ETFDH: variants seen among roughly 807,000 people sequenced by gnomAD.
ETFDH encodes the protein electron transfer flavoprotein-ubiquinone oxidoreductase, mitochondrial.
In ETFDH, 61 loss-of-function variants were observed where a neutral mutation model predicts 73.2. That is an observed-to-expected ratio of 0.83 (90% confidence interval 0.68 to 1.03). The LOEUF (loss-of-function observed/expected upper bound fraction) is 1.03, where lower values mean the gene tolerates loss of function less well. ETFDH is among the 50% of genes least tolerant of loss of function. The pLI, the probability that ETFDH is intolerant of heterozygous loss-of-function variation, is 0.00. For synonymous variants in ETFDH, 243 were observed against 253.3 expected (o/e 0.96, Z 0.39); for missense variants, 685 against 745.0 (o/e 0.92, Z 0.94).
chr4:158,691,644 AC>A (rs1363724245), intron 6 of ETFDH, among the ~76,000 whole-genome samples: 1 of 152,150 alleles, frequency 6.6e-6, no homozygotes, highest in African/African-American at 2.4e-5. Context: ...ATTCTTAAGC[AC>A]TTTGACATGA....
intron 6 of ETFDH, among the ~76,000 whole-genome samples, chr4:158,692,890 C>CAT (rs1056213642): frequency 1.1e-3 from 98 of 89,662 alleles, no homozygotes; most frequent in African/African-American, 2.9e-3. Context: ...AAAAAAAAAA[C>CAT]ATATATATAT....
intron 9 of ETFDH, 125 bp downstream of exon 9, chr4:158,699,255 A>AT: frequency 3.5e-6 from 3 of 856,130 alleles, no homozygotes; most frequent in Non-Finnish European, 5.8e-6. Context: ...TAGAGTTTAT[A>AT]AAACTGTGTC....
chr4:158,708,335 CTTCAATATTATTTAT>C lies in ETFDH; in HGVS notation c.1691-26_1691-12del. Reference sequence around the variant, plus strand: ...TTTAAAAATTTTTTAAAGTTAGGCACTTCAATATTATTTATTTTTACTTTTCAGGAGTTTATGAAT... The same window carrying C: ...TTTAAAAATTTTTTAAAGTTAGGCACTTTTACTTTTCAGGAGTTTATGAAT... On this transcript the variant is annotated splice_polypyrimidine_tract_variant and intron_variant, in intron 12 of 12. Coordinates refer to ENST00000511912, the MANE Select transcript of ETFDH (RefSeq NM_004453.4). 13 of 1,573,644 alleles carry C rather than the reference CTTCAATATTATTTAT, an allele frequency of 8.3e-6. No homozygotes were observed. The highest frequency in any genetic ancestry group is 1.1e-5 in the Non-Finnish European group (13 of 1,145,476).
At chr4:158,702,837 A>G (rs916376888) in intron 9 of ETFDH, among the ~76,000 whole-genome samples, 16 of 152,190 alleles carry the variant, frequency 1.1e-4, no homozygotes, top group Non-Finnish European at 1.9e-4. Context: ...TATACCCAAT[A>G]GTGGGATGGC....
intron 5 of ETFDH, 23 bp downstream of exon 5, chr4:158,685,242 T>C: frequency 7.8e-7 from 1 of 1,277,324 alleles, no homozygotes; most frequent in South Asian, 1.2e-5. Flanking sequence ...TTGTTTTGTT[T>C]TAATATTTAT....
At chr4:158,694,133 G>T (rs1299059640) in intron 6 of ETFDH, among the ~76,000 whole-genome samples, 1 of 152,068 alleles carries the variant, frequency 6.6e-6, no homozygotes, top group Non-Finnish European at 1.5e-5. Flanking sequence ...TTTAATGTCT[G>T]TCTGTCTATG....
intron 7 of ETFDH, 113 bp from the exon 8 acceptor site, chr4:158,697,446 C>G: frequency 4.4e-6 from 4 of 899,154 alleles, no homozygotes; most frequent in Non-Finnish European, 7.0e-6. Flanking sequence ...CAGTTTTTCA[C>G]TTGTAATTTT....
At chr4:158,706,605 G>A (rs1266149888) in intron 11 of ETFDH, 24 bp from the exon 12 acceptor site, 1 of 1,571,558 alleles carries the variant, frequency 6.4e-7, no homozygotes. Flanking sequence ...ATTTTGTTAA[G>A]CATTTCCCTC....
Position 158,708,618 on chromosome 4 carries a change from C to T in ETFDH, c.*91C>T. The T allele has an allele frequency of 9.6e-7, 1 of 1,042,786 alleles. No individual in the cohort carries two copies. Among genetic ancestry groups the T allele is most frequent in the South Asian group, 1.3e-5 (1 of 76,780 alleles). The allele number at this position is 1,042,786 out of a possible 1,614,324, so 64.6% of individuals were successfully genotyped here. On this transcript the variant is annotated 3_prime_UTR_variant, in exon 13 of 13. Coordinates refer to ENST00000511912, the MANE Select transcript of ETFDH (RefSeq NM_004453.4). Reference sequence around the variant, plus strand: ...TTTCAGAATGTCTTTCTGCATATTACTGAACAGAATAGTCACAAAATGATT... The same window carrying T: ...TTTCAGAATGTCTTTCTGCATATTATTGAACAGAATAGTCACAAAATGATT...
rs55861035 is a variant in ETFDH, at chr4:158,709,019, T to TTGTGTGTGTGTGTGTGTGTG, written c.*512_*531dup. On this transcript the variant is annotated 3_prime_UTR_variant, in exon 13 of 13. Transcript: ENST00000511912. Reference sequence around the variant, plus strand: ...GAAGTATGCCCATCCCTGAACAAGTTTGTGTGTGTGTGTGTGTGTGTGTGT... The same window carrying TTGTGTGTGTGTGTGTGTGTG: ...GAAGTATGCCCATCCCTGAACAAGTTTGTGTGTGTGTGTGTGTGTGTGTGTGTGTGTGTGTGTGTGTGTGT... The TTGTGTGTGTGTGTGTGTGTG allele has an allele frequency of 1.4e-3, 217 of 150,656 alleles. No individual in the cohort carries two copies. The highest frequency in any genetic ancestry group is 1.6e-3 in the Non-Finnish European group (112 of 70,140). 9.3% of individuals were successfully genotyped at this position (150,656 alleles called of 1,614,324 possible).
rs77425526 is a variant in ETFDH, at chr4:158,699,634, A to T, written c.1116+504A>T. The stretch of plus-strand genomic sequence containing the variant: ...TAAATTCATGGACATTTTGTTTGTT[A>T]GTTGTTTTAACCAGAAAATAAAAAC... On this transcript the variant is annotated intron_variant, in intron 9 of 12. Transcript: ENST00000511912. Among the ~76,000 whole-genome samples the T allele has an allele frequency of 9.5e-3, 1,453 of 152,342 alleles. 20 individuals are homozygous for T. The highest frequency in any genetic ancestry group is 0.032 in the African/African-American group (1,339 of 41,580).
chr4:158,684,389 CAAAAA>C (rs35572796), intron 3 of ETFDH, among the ~76,000 whole-genome samples, 198 bp from the exon 4 acceptor site: 4 of 105,496 alleles, frequency 3.8e-5, no homozygotes, highest in Admixed American at 9.4e-5. Context: ...GACACTGTCT[CAAAAA>C]AAAAAAAAAA....
rs143219080 is a variant in ETFDH at position 158,694,070 on chromosome 4, C to G, written c.685-1427C>G. ...CTATTATTCTCCCTTGTAATACCCT[C>G]TGCTCTCTTTCATAGCACTTAAACA... On this transcript the variant is annotated intron_variant, in intron 6 of 12. Transcript: ENST00000511912. Among the ~76,000 whole-genome samples the G allele has an allele frequency of 9.2e-5, 14 of 152,264 alleles. No individual in the cohort carries two copies. In the East Asian group the frequency reaches 2.7e-3, roughly 29 times the overall value.
At position 158,703,439 on chromosome 4, in the gene ETFDH, C is replaced by T. The variant is rs1036372683; in HGVS notation, c.1133C>T (p.Thr378Ile). Residue 378 changes from threonine (T) to isoleucine (I), a missense_variant, in exon 10 of 13, where the codon ACC becomes ATC. This residue lies in a region of ETFDH where 79 missense variants were observed against 120.5 expected (regional missense o/e 0.66). Coordinates refer to ENST00000511912, the MANE Select transcript of ETFDH (RefSeq NM_004453.4). ...TTTCCTCAGTCTATACCAAAACTCA[C>T]CTTTCCTGGTGGTTTACTAATTGGT... is the stretch of plus-strand genomic sequence containing the variant. The part of the protein sequence containing the change: ...EGGFQSIPKL[T>I]FPGGLLIGCS... 2 of 1,611,602 alleles carry T rather than the reference C, an allele frequency of 1.2e-6. No homozygotes were observed. The highest frequency in any genetic ancestry group is 1.7e-6 in the Non-Finnish European group (2 of 1,177,832).
intron 1 of ETFDH, among the ~76,000 whole-genome samples, chr4:158,678,653 C>CTT (rs11438999): frequency 0.017 from 2,426 of 140,298 alleles, 30 homozygotes; most frequent in Middle Eastern, 0.048. Flanking sequence ...ATATCACCAT[C>CTT]TTTTTTTTTT....
intron 6 of ETFDH, among the ~76,000 whole-genome samples, chr4:158,690,791 C>G (rs1774145143): frequency 6.6e-6 from 1 of 152,092 alleles, no homozygotes; most frequent in South Asian, 2.1e-4. Flanking sequence ...ATCACTTGAA[C>G]CCAGGAGTTT....
At chr4:158,706,400 GATC>G (rs1400011881) in intron 11 of ETFDH, 29 bp downstream of exon 11, 14 of 1,557,550 alleles carry the variant, frequency 9.0e-6, no homozygotes, top group Non-Finnish European at 1.2e-5. Context: ...TGAGTGACAT[GATC>G]ATTAAAAATT....
chr4:158,697,815 T>C, intron 8 of ETFDH, 116 bp downstream of exon 8: 1 of 974,626 alleles, frequency 1.0e-6, no homozygotes, highest in Non-Finnish European at 1.6e-6. Context: ...TAAAGCTTTC[T>C]AATTTTATCA....
At chr4:158,695,890 A>T (rs912284091) in intron 7 of ETFDH, among the ~76,000 whole-genome samples, 1 of 152,160 alleles carries the variant, frequency 6.6e-6, no homozygotes, top group Non-Finnish European at 1.5e-5. Context: ...GCTTGAAGTG[A>T]ATCTTGAACT....
Sources: gnomAD v4.1 joint callset for allele counts (sites outside exome capture counted in the v4.1 genomes callset) on GRCh38, gnomAD v4.1.1 for gene constraint, gnomAD v4.1.1 regional missense constraint, MANE v1.5 for transcripts, NCBI Gene and HGNC (gene_info 2026-07-23, HGNC 2026-07-21) for gene names.